The following PRB3 variants were observed in gnomAD, a reference collection of about 807,000 sequenced individuals.
The protein encoded by PRB3 is proline rich protein BstNI subfamily 3, also known as basic salivary proline-rich protein 3.
In PRB3, 9 loss-of-function variants were observed where a neutral mutation model predicts 10.0. The observed-to-expected ratio is 0.90, with a 90% CI of 0.54 to 1.57. The LOEUF (loss-of-function observed/expected upper bound fraction) is 1.57, where lower values mean the gene tolerates loss of function less well. Among genes scored for constraint, PRB3 ranks in the 40% most tolerant of loss-of-function variants. PRB3 has a pLI of 0.00. For synonymous variants in PRB3, 89 were observed against 138.6 expected (o/e 0.64, Z 2.52); for missense variants, 285 against 385.5 (o/e 0.74, Z 2.18).
rs1353913657 is a variant in PRB3, at chr12:11,268,031, G to T, written c.218C>A (p.Pro73His). 3 of 1,600,528 alleles carry T rather than the reference G, an allele frequency of 1.9e-6. No homozygotes were observed. Among genetic ancestry groups the T allele is most frequent in the African/African-American group, 1.3e-5 (1 of 74,138 alleles). Residue 73 changes from proline (P) to histidine (H), a missense_variant, in exon 3 of 4, where the codon CCT becomes CAT. By Grantham distance (77) the Pro-to-His change is moderately conservative. Around this residue, in one of 3 missense-constraint regions of PRB3, gnomAD observed 147 missense variants for 129.4 expected, o/e 1.14. Coordinates refer to ENST00000538488, the MANE Select transcript of PRB3 (RefSeq NM_001394862.1). Reference sequence around the variant, plus strand: ...TGGTCCTTCTGGCTTTCCTGGACGAGGTGGGGGACCTTGGGACTGGTTGCC... The same window carrying T: ...TGGTCCTTCTGGCTTTCCTGGACGATGTGGGGGACCTTGGGACTGGTTGCC... ...QGGNQSQGPPPRPGKPEGPPP... is the reference protein window; with the variant it reads ...QGGNQSQGPPHRPGKPEGPPP...
intron 1 of PRB3, among the ~76,000 whole-genome samples, chr12:11,269,373 C>G (rs1288827178): frequency 6.6e-6 from 1 of 152,198 alleles, no homozygotes; most frequent in African/African-American, 2.4e-5. Context: ...TCTATAAATG[C>G]AAATCTTACC....
rs1179200273 is a variant in PRB3, at chr12:11,267,942, G to T, written c.307C>A (p.Pro103Thr). Residue 103 changes from proline (P) to threonine (T), a missense_variant, in exon 3 of 4, where the codon CCC becomes ACC. Around this residue, in one of 3 missense-constraint regions of PRB3, gnomAD observed 147 missense variants for 129.4 expected, o/e 1.14. Coordinates refer to ENST00000538488, the MANE Select transcript of PRB3 (RefSeq NM_001394862.1). Reference sequence around the variant, plus strand: ...TGGGACTGGTTTCCTCCTTGTGGGGGTTGTCCTTCTGGCTTTCCCGGACGA... The same window carrying T: ...TGGGACTGGTTTCCTCCTTGTGGGGTTTGTCCTTCTGGCTTTCCCGGACGA... The part of the protein sequence containing the change: ...PPRPGKPEGQ[P>T]PQGGNQSQGP... 1.3e-6 allele frequency: 2 copies of T among 1,548,412 alleles called. No individual in the cohort carries two copies. Among genetic ancestry groups the T allele is most frequent in the Admixed American group, 1.8e-5 (1 of 55,538 alleles).
At position 11,268,101 on chromosome 12, in the gene PRB3, T is replaced by G. The variant is rs529192462; in HGVS notation, c.148A>C (p.Thr50Pro). ...RPQGGNQPQRTPPPPGKPEGR... is the reference protein window; with the variant it reads ...RPQGGNQPQRPPPPPGKPEGR... ...TCTGGCTTTCCTGGAGGAGGTGGGG[T>G]ACGTTGGGGCTGGTTTCCTCCTTGT... The change falls in exon 3 of 4, where the codon ACC becomes CCC. Residue 50 changes from threonine to proline, a missense_variant. By Grantham distance (38) the Thr-to-Pro change is conservative. Around this residue, in one of 3 missense-constraint regions of PRB3, gnomAD observed 147 missense variants for 129.4 expected, o/e 1.14. Coordinates refer to ENST00000538488, the MANE Select transcript of PRB3 (RefSeq NM_001394862.1). The G allele has an allele frequency of 1.0e-4, 163 of 1,584,362 alleles. 3 individuals carry two copies. The highest frequency in any genetic ancestry group is 9.0e-4 in the East Asian group (39 of 43,502).
chr12:11,269,492 T>C, intron 1 of PRB3, 114 bp downstream of exon 1: 1 of 1,313,722 alleles, frequency 7.6e-7, no homozygotes, highest in Non-Finnish European at 1.1e-6. Flanking sequence ...ATCCTAGGCA[T>C]GAAACCTCTG....
chr12:11,268,787 A>C (rs1968355), intron 1 of PRB3, 119 bp from the exon 2 acceptor site: 20 of 1,227,420 alleles, frequency 1.6e-5, no homozygotes, highest in Non-Finnish European at 2.0e-5. Context: ...AGGTTAGCTC[A>C]TCAGCTACCA....
rs754993354 is a variant in PRB3, at chr12:11,268,091, G to T, written c.158C>A (p.Pro53His). 6 of 1,610,792 alleles carry T rather than the reference G, an allele frequency of 3.7e-6. No individual in the cohort carries two copies. The highest frequency in any genetic ancestry group is 1.7e-5 in the Admixed American group (1 of 59,798). Residue 53 changes from proline (P) to histidine (H), a missense_variant, in exon 3 of 4, where the codon CCT (proline) becomes CAT (histidine). Around this residue, in one of 3 missense-constraint regions of PRB3, gnomAD observed 147 missense variants for 129.4 expected, o/e 1.14. Transcript: ENST00000538488. Reference protein sequence around the residue: ...GGNQPQRTPPPPGKPEGRPPQ... With the variant: ...GGNQPQRTPPHPGKPEGRPPQ... ...GGGTCGTCCTTCTGGCTTTCCTGGA[G>T]GAGGTGGGGTACGTTGGGGCTGGTT...
Position 11,267,191 on chromosome 12 carries a change from G to C in PRB3, c.*2C>G. ...GGAATCATACCTGTCATTGAACCTT[G>C]ATTACTGGGGAGGCTGTCCCTGGGG... On this transcript the variant is annotated 3_prime_UTR_variant, in exon 3 of 4. Coordinates refer to ENST00000538488, the MANE Select transcript of PRB3 (RefSeq NM_001394862.1). 1 of 1,609,228 alleles carries C rather than the reference G, an allele frequency of 6.2e-7. No individual in the cohort carries two copies.
Position 11,268,637 on chromosome 12 carries a change from T to C in PRB3, c.96A>G (p.Ile32Met). 1 of 1,611,412 alleles carries C rather than the reference T, an allele frequency of 6.2e-7. No homozygotes were observed. The highest frequency in any genetic ancestry group is 8.5e-7 in the Non-Finnish European group (1 of 1,177,462). ...TGAGAGTGAATTGGGATTTACCTGA[T>C]ATTACGGAGGGAGATTCTTCCTGGC... Reference protein sequence around the residue: ...DVSQEESPSVISGKPEGRRPQ... With the variant: ...DVSQEESPSVMSGKPEGRRPQ... Residue 32 changes from isoleucine (I) to methionine (M), a missense_variant, in exon 2 of 4, where the codon ATA becomes ATG. Coordinates refer to ENST00000538488, the MANE Select transcript of PRB3 (RefSeq NM_001394862.1).
chr12:11,266,230 C>T (rs1373180322), intron 3 of PRB3, among the ~76,000 whole-genome samples: 3 of 152,178 alleles, frequency 2.0e-5, no homozygotes, highest in African/African-American at 7.2e-5. Context: ...CAAATTGTTG[C>T]TGAGAAGATG....
intron 2 of PRB3, 86 bp from the exon 3 acceptor site, chr12:11,268,234 T>A (rs566871692): frequency 6.3e-7 from 1 of 1,593,930 alleles, no homozygotes; most frequent in Non-Finnish European, 8.6e-7. Context: ...TGCACAAAAA[T>A]AAGACCCAGA....
In PRB3 at chr12:11,269,632, A is replaced by T. The variant is rs369472544; in HGVS notation, c.38T>A (p.Leu13Gln). The change falls in exon 1 of 4, where the codon CTG (leucine) becomes CAG (glutamine). Residue 13 changes from leucine (L) to glutamine (Q), a missense_variant. Leu to Gln is a moderately radical substitution (Grantham distance 113). This residue lies in a region of PRB3 where 147 missense variants were observed against 129.4 expected (regional missense o/e 1.14). Coordinates refer to ENST00000538488, the MANE Select transcript of PRB3 (RefSeq NM_001394862.1). ...LILLSVALLA[L>Q]SSAQSLNEDV... ...TTCATTTAAGCTCTGAGCTGAGCTC[A>T]GGGCCAGCAGGGCCACCGACAGCAG... 2.6e-5 allele frequency: 42 copies of T among 1,613,980 alleles called. No individual in the cohort carries two copies. The highest frequency in any genetic ancestry group is 3.2e-5 in the Non-Finnish European group (38 of 1,179,956).
chr12:11,266,481 G>A (rs1464361590), intron 3 of PRB3, among the ~76,000 whole-genome samples: 1 of 152,184 alleles, frequency 6.6e-6, no homozygotes, highest in Non-Finnish European at 1.5e-5. Context: ...ATAAACTGAT[G>A]TGGAAATTTT....
rs763857405 is a variant in PRB3 at position 11,268,071 on chromosome 12, G to C, written c.178C>G (p.Arg60Gly). Residue 60 changes from arginine to glycine, a missense_variant, in exon 3 of 4, where the codon CGA (arginine) becomes GGA (glycine). By Grantham distance (125) the Arg-to-Gly change is moderately radical. Transcript: ENST00000538488. ...GACTGGTTGCCTCCTTGTGGGGGTCGTCCTTCTGGCTTTCCTGGAGGAGGT... is the reference window on the plus strand; with the variant it reads ...GACTGGTTGCCTCCTTGTGGGGGTCCTCCTTCTGGCTTTCCTGGAGGAGGT... ...TPPPPGKPEG[R>G]PPQGGNQSQG... 1.2e-6 allele frequency: 2 copies of C among 1,612,422 alleles called. No individual in the cohort carries two copies. Among genetic ancestry groups the C allele is most frequent in the Non-Finnish European group, 1.7e-6 (2 of 1,179,280 alleles).
At position 11,268,197 on chromosome 12, in the gene PRB3, T is replaced by C. The variant is rs770155801; in HGVS notation, c.101-49A>G. 4 of 1,613,250 alleles carry C rather than the reference T, an allele frequency of 2.5e-6. No homozygotes were observed. In the African/African-American group the frequency reaches 5.3e-5, roughly 22 times the overall value. On this transcript the variant is annotated intron_variant, in intron 2 of 3. Transcript: ENST00000538488. ...TTCACTGAATAGTTGCCGCAAATTT[T>C]TACAGTAACGCAGCTAAATGGGGAA...
Position 11,267,414 on chromosome 12 carries a change from G to T in PRB3, c.835C>A (p.Gln279Lys). Residue 279 changes from glutamine (Q) to lysine (K), a missense_variant, in exon 3 of 4, where the codon CAA (glutamine) becomes AAA (lysine). Transcript: ENST00000538488. ...GPPSQGGNKP[Q>K]GPPPHPGKPQ... ...TTTCCTGGATGAGGTGGGGGACCTT[G>T]AGGTTTGTTGCCTCCTTGTGAAGGT... 6.4e-7 allele frequency: 1 copy of T among 1,570,472 alleles called. No individual in the cohort carries two copies. Among genetic ancestry groups the T allele is most frequent in the Non-Finnish European group, 8.6e-7 (1 of 1,159,734 alleles).
intron 1 of PRB3, among the ~76,000 whole-genome samples, chr12:11,269,027 C>T (rs1399095546): frequency 6.6e-6 from 1 of 152,218 alleles, no homozygotes; most frequent in East Asian, 1.9e-4. Context: ...CAAGCTTTCT[C>T]AATTTCGGTA....
chr12:11,267,939 G>A lies in PRB3; in HGVS notation c.310C>T (p.Pro104Ser), dbSNP rs1948610562. Residue 104 changes from proline to serine, a missense_variant, in exon 3 of 4, where the codon CCA becomes TCA. Transcript: ENST00000538488. ...PRPGKPEGQP[P>S]QGGNQSQGPP... ...CCTTGGGACTGGTTTCCTCCTTGTG[G>A]GGGTTGTCCTTCTGGCTTTCCCGGA... is the stretch of plus-strand genomic sequence containing the variant. The A allele has an allele frequency of 1.3e-6, 2 of 1,545,946 alleles. No individual in the cohort carries two copies. The highest frequency in any genetic ancestry group is 8.7e-7 in the Non-Finnish European group (1 of 1,149,556).
chr12:11,268,207 G>A, intron 2 of PRB3, 59 bp from the exon 3 acceptor site: 8 of 1,611,130 alleles, frequency 5.0e-6, no homozygotes, highest in Non-Finnish European at 6.8e-6. Flanking sequence ...TTACAGTAAC[G>A]CAGCTAAATG....
chr12:11,267,966 G>A lies in PRB3; in HGVS notation c.283C>T (p.Arg95Cys), dbSNP rs148496066. The A allele has an allele frequency of 5.7e-6, 9 of 1,577,396 alleles. No individual in the cohort carries two copies. Among genetic ancestry groups the A allele is most frequent in the East Asian group, 4.6e-5 (2 of 43,848 alleles). The change falls in exon 3 of 4, where the codon CGT becomes TGT. Residue 95 changes from arginine to cysteine, a missense_variant. Arg to Cys is a radical substitution (Grantham distance 180). This residue lies in a region of PRB3 where 147 missense variants were observed against 129.4 expected (regional missense o/e 1.14). Coordinates refer to ENST00000538488, the MANE Select transcript of PRB3 (RefSeq NM_001394862.1). Reference sequence around the variant, plus strand: ...GGTTGTCCTTCTGGCTTTCCCGGACGAGGTGGGGGACCTTGGGACTGGTTT... The same window carrying A: ...GGTTGTCCTTCTGGCTTTCCCGGACAAGGTGGGGGACCTTGGGACTGGTTT... ...GGNQSQGPPP[R>C]PGKPEGQPPQ...
Sources: allele counts gnomAD v4.1 joint callset (sites outside exome capture counted in the v4.1 genomes callset), GRCh38; gene constraint gnomAD v4.1.1; regional missense constraint gnomAD v4.1.1; transcripts MANE v1.5; gene names NCBI Gene and HGNC (gene_info 2026-07-23, HGNC 2026-07-21).